Variants in KALRN observed in about 807,000 individuals in gnomAD.
The protein encoded by KALRN is kalirin.
A neutral mutation model predicts 353.7 loss-of-function variants in KALRN; 70 were observed. That is an observed-to-expected ratio of 0.20 (90% CI 0.16 to 0.24). The LOEUF is 0.24. KALRN is among the 10% of genes least tolerant of loss of function. KALRN has a pLI of 1.00. For synonymous variants in KALRN, 1,391 were observed against 1,434.8 expected (o/e 0.97, Z 0.69); for missense variants, 2,791 against 3,756.7 (o/e 0.74, Z 6.72).
intron 34 of KALRN, among the ~76,000 whole-genome samples, chr3:124,576,262 C>T (rs1291033202): frequency 1.3e-5 from 2 of 151,994 alleles, no homozygotes; most frequent in Non-Finnish European, 2.9e-5. Flanking sequence ...CTCTGCAAAT[C>T]CCCCCTACCA....
At chr3:124,482,366 G>A (rs2062068398) in intron 27 of KALRN, among the ~76,000 whole-genome samples, 1 of 152,052 alleles carries the variant, frequency 6.6e-6, no homozygotes, top group South Asian at 2.1e-4. Context: ...CTGAAGGCAG[G>A]GAAACACTCC....
intron 33 of KALRN, among the ~76,000 whole-genome samples, chr3:124,506,334 C>T (rs2065225229): frequency 6.6e-6 from 1 of 152,182 alleles, no homozygotes; most frequent in Non-Finnish European, 1.5e-5. Flanking sequence ...CCGCCATGTC[C>T]CATGCAGATA....
chr3:124,099,657 G>C (rs2061702818), intron 1 of KALRN, among the ~76,000 whole-genome samples: 1 of 152,148 alleles, frequency 6.6e-6, no homozygotes, highest in Non-Finnish European at 1.5e-5. Flanking sequence ...CATAACAACT[G>C]TACTAATTTA....
At chr3:124,072,602 T>C (rs1446884049) in intron 1 of KALRN, among the ~76,000 whole-genome samples, 1 of 152,146 alleles carries the variant, frequency 6.6e-6, no homozygotes, top group Admixed American at 6.5e-5. Context: ...TGAAGCTGCC[T>C]CTGAGGGTTA....
intron 25 of KALRN, among the ~76,000 whole-genome samples, chr3:124,469,273 C>A (rs1209436952): frequency 6.6e-6 from 1 of 152,180 alleles, no homozygotes; most frequent in Non-Finnish European, 1.5e-5. Flanking sequence ...GAATGGGCGT[C>A]CAGCCCTGCA....
intron 16 of KALRN, among the ~76,000 whole-genome samples, chr3:124,433,868 A>G (rs1020340816): frequency 6.6e-6 from 1 of 152,204 alleles, no homozygotes. Context: ...TGTTACATGA[A>G]GTTTCTTTTC....
At chr3:124,121,545 A>G (rs2064030478) in intron 1 of KALRN, among the ~76,000 whole-genome samples, 1 of 152,200 alleles carries the variant, frequency 6.6e-6, no homozygotes, top group South Asian at 2.1e-4. Flanking sequence ...AATATTGCAC[A>G]AGTCACCCAT....
intron 1 of KALRN, among the ~76,000 whole-genome samples, chr3:124,159,124 C>T (rs1341960508): frequency 6.6e-6 from 1 of 152,160 alleles, no homozygotes; most frequent in Non-Finnish European, 1.5e-5. Flanking sequence ...CTTATTTGTA[C>T]CTCTATGCCT....
At chr3:124,637,761 A>C (rs2081527236) in intron 37 of KALRN, among the ~76,000 whole-genome samples, 1 of 152,194 alleles carries the variant, frequency 6.6e-6, no homozygotes, top group Non-Finnish European at 1.5e-5. Context: ...GCTGATTATA[A>C]AGGGGAATGG....
intron 3 of KALRN, among the ~76,000 whole-genome samples, chr3:124,251,355 C>CTTTTTTTTTTTT (rs57628448): frequency 4.9e-4 from 66 of 133,590 alleles, no homozygotes; most frequent in Non-Finnish European, 7.8e-4. Flanking sequence ...CAAGTCTTTG[C>CTTTTTTTTTTTT]TTTTTTTTTT....
chr3:124,516,106 A>G (rs1243920858), intron 33 of KALRN, among the ~76,000 whole-genome samples: 1 of 152,216 alleles, frequency 6.6e-6, no homozygotes, highest in East Asian at 1.9e-4. Context: ...GGATATATAT[A>G]ATGAAGTGAC....
At chr3:124,477,014 T>C (rs2061489743) in intron 26 of KALRN, among the ~76,000 whole-genome samples, 1 of 152,174 alleles carries the variant, frequency 6.6e-6, no homozygotes, top group South Asian at 2.1e-4. Context: ...AAACTATTAT[T>C]AAAAGGAGCT....
chr3:124,270,780 G>A (rs1440015634), intron 5 of KALRN, among the ~76,000 whole-genome samples: 1 of 151,422 alleles, frequency 6.6e-6, no homozygotes, highest in Non-Finnish European at 1.5e-5. Context: ...CAGGTACTTT[G>A]GCTCTGTTGC....
chr3:124,439,536 T>A (rs938428209), intron 18 of KALRN, among the ~76,000 whole-genome samples: 1 of 152,162 alleles, frequency 6.6e-6, no homozygotes, highest in Non-Finnish European at 1.5e-5. Flanking sequence ...CAAAAACATA[T>A]AAGCTTAGAT....
Position 124,268,637 on chromosome 3 carries a change from G to A in KALRN, c.457-106G>A. 2 of 1,195,826 alleles carry A rather than the reference G, an allele frequency of 1.7e-6. 1 individual carries two copies. Among genetic ancestry groups the A allele is most frequent in the South Asian group, 2.8e-5 (2 of 72,306 alleles). 74.1% of individuals were successfully genotyped at this position (1,195,826 alleles called of 1,614,324 possible). A position where few individuals can be genotyped will look rare whatever the true frequency, so the allele number is the denominator to read the frequency against. The stretch of plus-strand genomic sequence containing the variant: ...CCACTCACCATTTCCGAGGCAGGCT[G>A]TGGTCATTATTATGTGGATTTATCT... On this transcript the variant is annotated intron_variant, in intron 4 of 59. Coordinates refer to ENST00000682506, the MANE Select transcript of KALRN (RefSeq NM_001388419.1).
At chr3:124,118,615 T>G (rs1362820898) in intron 1 of KALRN, among the ~76,000 whole-genome samples, 1 of 152,216 alleles carries the variant, frequency 6.6e-6, no homozygotes, top group Admixed American at 6.5e-5. Flanking sequence ...ATGTGAGTCA[T>G]GGGACATGTT....
In KALRN at chr3:124,439,055, T is replaced by C; in HGVS notation, c.3198+18T>C. ...TTCTTAAGGTCAGAGCACATTGTCA[T>C]GCAAGGGCTCAGACTCCTGGCCTTG... is the stretch of plus-strand genomic sequence containing the variant. On this transcript the variant is annotated intron_variant, in intron 18 of 59. Transcript: ENST00000682506. 1 of 1,612,408 alleles carries C rather than the reference T, an allele frequency of 6.2e-7. No individual in the cohort carries two copies. The highest frequency in any genetic ancestry group is 2.2e-5 in the East Asian group (1 of 44,800).
chr3:124,676,154 C>T (rs1303330292), intron 49 of KALRN, among the ~76,000 whole-genome samples: 2 of 152,188 alleles, frequency 1.3e-5, no homozygotes, highest in Non-Finnish European at 2.9e-5. Flanking sequence ...CTTCTTCCTC[C>T]CTACCTTTGG....
At chr3:124,143,607 A>G (rs907513503) in intron 1 of KALRN, among the ~76,000 whole-genome samples, 3 of 152,200 alleles carry the variant, frequency 2.0e-5, no homozygotes, top group Non-Finnish European at 4.4e-5. Context: ...GCTAGGAAAC[A>G]AGGGTGCCCA....
Sources: gnomAD v4.1 joint callset for allele counts (sites outside exome capture counted in the v4.1 genomes callset) on GRCh38, gnomAD v4.1.1 for gene constraint, MANE v1.5 for transcripts, NCBI Gene and HGNC (gene_info 2026-07-23, HGNC 2026-07-21) for gene names.